SIK3: variants seen among roughly 807,000 people sequenced by gnomAD.
SIK3 encodes serine/threonine-protein kinase SIK3.
Under a neutral mutation model 144.2 loss-of-function variants are expected in SIK3, and 28 were observed. That is an observed-to-expected ratio of 0.19 (90% confidence interval 0.14 to 0.27). The LOEUF (loss-of-function observed/expected upper bound fraction) is 0.27. Among genes scored for constraint, SIK3 ranks in the 10% least tolerant of loss-of-function variants. The pLI is 1.00. For synonymous variants in SIK3, 686 were observed against 676.3 expected, an observed-to-expected ratio of 1.01 and a Z score of -0.22; for missense variants, 1,319 against 1,776.0, an observed-to-expected ratio of 0.74 and a Z score of 4.62.
At chr11:117,017,465 C>T (rs1429239348) in intron 1 of SIK3, among the ~76,000 whole-genome samples, 1 of 152,026 alleles carries the variant, frequency 6.6e-6, no homozygotes, top group Non-Finnish European at 1.5e-5. Flanking sequence ...TCTTTCAAAA[C>T]AAAAAGGTTT....
chr11:116,969,239 G>T (rs904849313), intron 1 of SIK3, among the ~76,000 whole-genome samples: 1 of 142,406 alleles, frequency 7.0e-6, no homozygotes, highest in Non-Finnish European at 1.5e-5. Flanking sequence ...GCAGTGAGCC[G>T]AGATGGCACC....
chr11:117,095,204 A>T (rs1248513204), intron 1 of SIK3, among the ~76,000 whole-genome samples: 1 of 151,856 alleles, frequency 6.6e-6, no homozygotes, highest in Non-Finnish European at 1.5e-5. Flanking sequence ...AAAAAAAAAA[A>T]AAAAAAAAAA....
chr11:117,073,545 T>C (rs1201292767), intron 1 of SIK3, among the ~76,000 whole-genome samples: 3 of 152,186 alleles, frequency 2.0e-5, no homozygotes, highest in African/African-American at 7.2e-5. Context: ...AGAAATTAGG[T>C]AAAACAATAG....
intron 1 of SIK3, among the ~76,000 whole-genome samples, chr11:117,031,687 A>ATTTTTTTTTTTTTTTTTT (rs57524562): frequency 1.2e-5 from 1 of 81,532 alleles, no homozygotes; most frequent in Non-Finnish European, 2.2e-5. Flanking sequence ...CACCCGGCTA[A>ATTTTTTTTTTTTTTTTTT]TTTTTTTTTT....
intron 1 of SIK3, among the ~76,000 whole-genome samples, chr11:117,037,388 A>G (rs1009928426): frequency 6.6e-6 from 1 of 152,234 alleles, no homozygotes; most frequent in Admixed American, 6.5e-5. Context: ...AGCAGCATAC[A>G]TTAACAATAA....
At chr11:116,906,568 G>A (rs879890374) in intron 4 of SIK3, among the ~76,000 whole-genome samples, 1 of 152,110 alleles carries the variant, frequency 6.6e-6, no homozygotes. Flanking sequence ...GAGAGAAAGC[G>A]CGGCTAAAGG....
At chr11:117,030,465 CATG>C (rs1217132051) in intron 1 of SIK3, among the ~76,000 whole-genome samples, 4 of 152,008 alleles carry the variant, frequency 2.6e-5, no homozygotes, top group Non-Finnish European at 5.9e-5. Flanking sequence ...TAAAAATACT[CATG>C]ATATTGAGTA....
intron 6 of SIK3, among the ~76,000 whole-genome samples, chr11:116,884,506 C>T (rs1944712579): frequency 6.6e-6 from 1 of 152,148 alleles, no homozygotes; most frequent in Non-Finnish European, 1.5e-5. Context: ...ACTACAGGTG[C>T]ATGCCACCAC....
intron 1 of SIK3, among the ~76,000 whole-genome samples, chr11:116,985,595 T>A (rs922603956): frequency 6.6e-6 from 1 of 152,220 alleles, no homozygotes; most frequent in African/African-American, 2.4e-5. Flanking sequence ...GGCCTCCATT[T>A]GTATCTTTGG....
chr11:116,848,761 G>A (rs979883164), intron 22 of SIK3, among the ~76,000 whole-genome samples: 2 of 152,100 alleles, frequency 1.3e-5, no homozygotes, highest in East Asian at 1.9e-4. Flanking sequence ...TCAGGAATTC[G>A]AGACCAGCCT....
intron 3 of SIK3, among the ~76,000 whole-genome samples, chr11:116,945,815 A>C (rs779901230): frequency 6.6e-6 from 1 of 152,100 alleles, no homozygotes; most frequent in Non-Finnish European, 1.5e-5. Context: ...CCTATCTCTA[A>C]GGCCTTTAAT....
At chr11:117,031,687 A>ATTTTTTTTTTTTTTTT (rs57524562) in intron 1 of SIK3, among the ~76,000 whole-genome samples, 4 of 81,512 alleles carry the variant, frequency 4.9e-5, no homozygotes, top group Non-Finnish European at 8.7e-5. Context: ...CACCCGGCTA[A>ATTTTTTTTTTTTTTTT]TTTTTTTTTT....
intron 1 of SIK3, among the ~76,000 whole-genome samples, chr11:117,051,521 G>GT (rs1291825875): frequency 7.3e-5 from 11 of 151,568 alleles, no homozygotes; most frequent in Non-Finnish European, 1.5e-4. Flanking sequence ...AGGTTTTGGG[G>GT]TTTTTTTCCT....
intron 3 of SIK3, among the ~76,000 whole-genome samples, chr11:116,945,028 C>T (rs1443635645): frequency 2.6e-5 from 4 of 151,486 alleles, no homozygotes; most frequent in African/African-American, 9.7e-5. Flanking sequence ...GGCTGGATCT[C>T]GACTCACTGC....
intron 4 of SIK3, 111 bp downstream of exon 4, chr11:116,927,108 T>C: frequency 2.7e-6 from 2 of 730,608 alleles, no homozygotes. Flanking sequence ...AAATTGTCCT[T>C]ACTTTCACAA....
chr11:116,941,745 T>C (rs1591382757), intron 3 of SIK3, among the ~76,000 whole-genome samples: 2 of 152,218 alleles, frequency 1.3e-5, no homozygotes, highest in South Asian at 4.1e-4. Context: ...TTGTTTTAAA[T>C]GCCCATGAGT....
intron 6 of SIK3, among the ~76,000 whole-genome samples, chr11:116,879,050 A>G (rs939545344): frequency 6.6e-6 from 1 of 152,186 alleles, no homozygotes; most frequent in Non-Finnish European, 1.5e-5. Context: ...TTTCTGTTGT[A>G]CCCAGTATCA....
rs1359291808 is a variant in SIK3, at chr11:116,844,625, ATATAATATAT to A, written c.*1008_*1017del. ...TATATATATTATATATATAATATAT[ATATAATATAT>A]TATATTATATATTATATATATAATA... On this transcript the variant is annotated 3_prime_UTR_variant, in exon 25 of 25. Coordinates refer to ENST00000445177, the MANE Select transcript of SIK3 (RefSeq NM_001366686.3). 5.9e-4 allele frequency: 21 copies of A among 35,398 alleles called. No individual in the cohort carries two copies. The highest frequency in any genetic ancestry group is 4.4e-3 in the Admixed American group (18 of 4,094). The allele number at this position is 35,398 out of a possible 1,614,324, so 2.2% of individuals were successfully genotyped here.
chr11:116,875,794 A>G lies in SIK3; in HGVS notation c.1239+72T>C, dbSNP rs1944220359. ...AGCAAGAAACTCTCGACTTAGGGTTAGTGAGCAACAGCTAACCTTTACCCC... is the reference window on the plus strand; with the variant it reads ...AGCAAGAAACTCTCGACTTAGGGTTGGTGAGCAACAGCTAACCTTTACCCC... On this transcript the variant is annotated intron_variant, in intron 9 of 24. Transcript: ENST00000445177. 5 of 1,496,222 alleles carry G rather than the reference A, an allele frequency of 3.3e-6. No homozygotes were observed. The South Asian group carries it at 5.3e-5, about 16-fold the overall frequency. 92.7% of individuals were successfully genotyped at this position (1,496,222 alleles called of 1,614,324 possible).
Sources: gnomAD v4.1 joint callset for allele counts (sites outside exome capture counted in the v4.1 genomes callset) on GRCh38, gnomAD v4.1.1 for gene constraint, MANE v1.5 for transcripts, NCBI Gene and HGNC (gene_info 2026-07-23, HGNC 2026-07-21) for gene names.